Variants in MARCHF3 observed in about 807,000 individuals in gnomAD.
MARCHF3 encodes membrane associated ring-CH-type finger 3, also known as E3 ubiquitin-protein ligase MARCHF3.
In MARCHF3, 13 loss-of-function variants were observed where a neutral mutation model predicts 24.2. That is an observed-to-expected ratio of 0.54 (90% CI 0.35 to 0.85). The LOEUF (loss-of-function observed/expected upper bound fraction) is 0.85, where lower values mean the gene tolerates loss of function less well. Among genes scored for constraint, MARCHF3 ranks in the 40% least tolerant of loss-of-function variants. MARCHF3 has a pLI of 0.01. For synonymous variants in MARCHF3, 144 were observed against 137.3 expected (o/e 1.05, Z -0.34); for missense variants, 276 against 325.0 (o/e 0.85, Z 1.16).
chr5:126,962,813 CTGTGTGTGTGTGTGTGTGTGCGTG>C (rs1287915332), intron 1 of MARCHF3, among the ~76,000 whole-genome samples: 2 of 110,142 alleles, frequency 1.8e-5, no homozygotes, highest in African/African-American at 6.4e-5. Flanking sequence ...AATACTCAAC[CTGTGTGTGTGTGTGTGTGTGCGTG>C]TGTGTGTGTG....
At chr5:126,990,172 C>T (rs1751702866) in intron 1 of MARCHF3, among the ~76,000 whole-genome samples, 1 of 149,208 alleles carries the variant, frequency 6.7e-6, no homozygotes, top group Non-Finnish European at 1.5e-5. Context: ...GTAACCAAAA[C>T]AGCATGGTAC....
chr5:127,008,377 G>A (rs1455400009), intron 1 of MARCHF3, among the ~76,000 whole-genome samples: 3 of 152,196 alleles, frequency 2.0e-5, no homozygotes, highest in South Asian at 2.1e-4. Flanking sequence ...ACTGAGAGAC[G>A]AATCAAGTGA....
At chr5:126,905,797 T>C (rs903832076) in intron 3 of MARCHF3, among the ~76,000 whole-genome samples, 1 of 152,026 alleles carries the variant, frequency 6.6e-6, no homozygotes, top group African/African-American at 2.4e-5. Flanking sequence ...CCTAATTGAA[T>C]ACCCTTTATT....
chr5:126,940,750 C>CT (rs77835911), intron 1 of MARCHF3, among the ~76,000 whole-genome samples: 10,130 of 147,768 alleles, frequency 0.069, 636 homozygotes, highest in African/African-American at 0.16. Context: ...CCCGGCCTAA[C>CT]TTTTTTTTTT....
chr5:127,026,402 T>G (rs996006950), intron 1 of MARCHF3, among the ~76,000 whole-genome samples: 10 of 152,220 alleles, frequency 6.6e-5, no homozygotes, highest in African/African-American at 2.4e-4. Flanking sequence ...ATTCTATACG[T>G]AGGCTTTGCC....
chr5:127,009,748 T>C (rs1752421311), intron 1 of MARCHF3, among the ~76,000 whole-genome samples: 1 of 152,200 alleles, frequency 6.6e-6, no homozygotes, highest in Non-Finnish European at 1.5e-5. Context: ...GTATGAAACC[T>C]ATTGGTGACT....
intron 1 of MARCHF3, among the ~76,000 whole-genome samples, chr5:126,939,951 T>G (rs1749773958): frequency 6.6e-6 from 1 of 152,160 alleles, no homozygotes; most frequent in South Asian, 2.1e-4. Flanking sequence ...CTACAAGGTA[T>G]CACAAGTTTC....
intron 1 of MARCHF3, among the ~76,000 whole-genome samples, chr5:126,920,796 A>G (rs940355758): frequency 6.6e-6 from 1 of 152,162 alleles, no homozygotes; most frequent in Admixed American, 6.5e-5. Context: ...CCGCAATAAA[A>G]TGTCCTTAAA....
chr5:126,956,673 C>CAAAAA (rs1410549848), intron 1 of MARCHF3, among the ~76,000 whole-genome samples: 1 of 128,100 alleles, frequency 7.8e-6, no homozygotes, highest in African/African-American at 3.3e-5. Flanking sequence ...AAAAAAAAAC[C>CAAAAA]AAAAAAACAA....
At chr5:126,901,445 G>A (rs1754103110) in intron 3 of MARCHF3, among the ~76,000 whole-genome samples, 1 of 152,070 alleles carries the variant, frequency 6.6e-6, no homozygotes, top group Non-Finnish European at 1.5e-5. Context: ...AACAGGCATA[G>A]CAGGTCTCAT....
At chr5:126,904,065 T>C (rs1206211877) in intron 3 of MARCHF3, among the ~76,000 whole-genome samples, 4 of 150,642 alleles carry the variant, frequency 2.7e-5, no homozygotes, top group African/African-American at 9.8e-5. Context: ...TATGCAGTGT[T>C]TGGTTTTTTG....
intron 1 of MARCHF3, among the ~76,000 whole-genome samples, chr5:127,017,414 G>A (rs1752669432): frequency 6.6e-6 from 1 of 152,108 alleles, no homozygotes; most frequent in Admixed American, 6.6e-5. Flanking sequence ...TTGTACAGAT[G>A]CTTCTCAACT....
intron 1 of MARCHF3, among the ~76,000 whole-genome samples, chr5:126,959,032 A>G (rs577679011): frequency 6.6e-6 from 1 of 152,344 alleles, no homozygotes; most frequent in Admixed American, 6.5e-5. Flanking sequence ...ATGAAATCCA[A>G]ATAATTTATG....
At chr5:126,894,376 C>G (rs1367359666) in intron 3 of MARCHF3, among the ~76,000 whole-genome samples, 11 of 151,560 alleles carry the variant, frequency 7.3e-5, no homozygotes, top group Non-Finnish European at 1.5e-4. Flanking sequence ...CAGTTTCTTC[C>G]TAGTCTCGAT....
chr5:126,963,202 T>A (rs1414700868), intron 1 of MARCHF3, among the ~76,000 whole-genome samples: 2 of 152,210 alleles, frequency 1.3e-5, no homozygotes, highest in Non-Finnish European at 2.9e-5. Context: ...GAGCAAAGAA[T>A]GACCAGTCTT....
chr5:126,998,083 G>T (rs570962631), intron 1 of MARCHF3, among the ~76,000 whole-genome samples: 16 of 152,298 alleles, frequency 1.1e-4, no homozygotes, highest in Admixed American at 2.0e-4. Flanking sequence ...CTGTTCAATG[G>T]CAGGAAATAA....
intron 1 of MARCHF3, among the ~76,000 whole-genome samples, chr5:126,924,236 C>A (rs574623991): frequency 1.3e-5 from 2 of 152,198 alleles, no homozygotes; most frequent in Non-Finnish European, 2.9e-5. Context: ...CAGAGTTCTG[C>A]GTCATTAATG....
intron 1 of MARCHF3, among the ~76,000 whole-genome samples, chr5:126,992,216 ACTT>A (rs1580714332): frequency 6.6e-6 from 1 of 152,102 alleles, no homozygotes; most frequent in African/African-American, 2.4e-5. Flanking sequence ...AACAAAACAA[ACTT>A]CTTCTCCATA....
intron 1 of MARCHF3, among the ~76,000 whole-genome samples, chr5:126,919,879 C>A (rs560804702): frequency 6.6e-6 from 1 of 152,200 alleles, no homozygotes; most frequent in Non-Finnish European, 1.5e-5. Context: ...AGTGGGGAGA[C>A]GGCTGTGGAC....
Sources: gnomAD v4.1 joint callset for allele counts (sites outside exome capture counted in the v4.1 genomes callset) on GRCh38, gnomAD v4.1.1 for gene constraint, MANE v1.5 for transcripts, NCBI Gene and HGNC (gene_info 2026-07-23, HGNC 2026-07-21) for gene names.